The following MEMO1 variants were observed in gnomAD, a reference collection of about 807,000 sequenced individuals.
MEMO1 encodes the protein protein MEMO1.
In MEMO1, 6 loss-of-function variants were observed where a neutral mutation model predicts 45.2. That is an observed-to-expected ratio of 0.13 (90% CI 0.07 to 0.26). The LOEUF (loss-of-function observed/expected upper bound fraction) is 0.26, where lower values mean the gene tolerates loss of function less well. MEMO1 is among the 10% of genes least tolerant of loss of function. The pLI is 1.00. For synonymous variants in MEMO1, 78 were observed against 124.3 expected, an observed-to-expected ratio of 0.63 and a Z score of 2.48; for missense variants, 184 against 370.5, an observed-to-expected ratio of 0.50 and a Z score of 4.13.
At chr2:31,959,014 A>G (rs916245564) in intron 2 of MEMO1, among the ~76,000 whole-genome samples, 1 of 152,200 alleles carries the variant, frequency 6.6e-6, no homozygotes, top group Non-Finnish European at 1.5e-5. Context: ...GGGATAAGAG[A>G]AAGAATCAAT....
At chr2:31,886,850 T>TC (rs1004810719) in intron 7 of MEMO1, among the ~76,000 whole-genome samples, 32 of 152,278 alleles carry the variant, frequency 2.1e-4, no homozygotes, top group African/African-American at 7.5e-4. Context: ...CTGTTTCAAC[T>TC]CCAAGTATGA....
intron 6 of MEMO1, among the ~76,000 whole-genome samples, chr2:31,896,382 C>T (rs1483270872): frequency 6.6e-6 from 1 of 152,040 alleles, no homozygotes; most frequent in Non-Finnish European, 1.5e-5. Context: ...TTGAAAGGGG[C>T]CATTAAGTAT....
chr2:31,999,922 C>T (rs1050563431), intron 2 of MEMO1, among the ~76,000 whole-genome samples: 8 of 143,126 alleles, frequency 5.6e-5, no homozygotes, highest in Non-Finnish European at 9.0e-5. Flanking sequence ...CTCAATCTGT[C>T]GCCCAGGCTG....
chr2:31,989,685 A>G (rs1671704167), intron 2 of MEMO1, among the ~76,000 whole-genome samples: 1 of 152,248 alleles, frequency 6.6e-6, no homozygotes, highest in East Asian at 1.9e-4. Flanking sequence ...GATTGTGTTG[A>G]CTTTCATAGA....
At chr2:31,933,036 AAAAAG>A (rs895680826) in intron 3 of MEMO1, among the ~76,000 whole-genome samples, 2 of 152,112 alleles carry the variant, frequency 1.3e-5, no homozygotes, top group African/African-American at 4.8e-5. Context: ...CTTCAGCAAT[AAAAAG>A]AAGTGAACTA....
At chr2:32,001,258 C>G (rs1157048799) in intron 2 of MEMO1, among the ~76,000 whole-genome samples, 1 of 151,738 alleles carries the variant, frequency 6.6e-6, no homozygotes, top group Non-Finnish European at 1.5e-5. Flanking sequence ...CCAGGATGGT[C>G]TCGATCTCCT....
intron 6 of MEMO1, among the ~76,000 whole-genome samples, chr2:31,910,466 TA>T (rs1228460079): frequency 1.3e-5 from 2 of 152,200 alleles, no homozygotes; most frequent in Non-Finnish European, 2.9e-5. Context: ...AGCTTATGGA[TA>T]AGTGAAACAA....
At chr2:31,967,927 A>C (rs1391799943) in intron 2 of MEMO1, among the ~76,000 whole-genome samples, 1 of 152,098 alleles carries the variant, frequency 6.6e-6, no homozygotes, top group South Asian at 2.1e-4. Context: ...TATCTTGGAG[A>C]GTCATCTGAG....
At chr2:32,002,103 C>T in intron 2 of MEMO1, among the ~76,000 whole-genome samples, 1 of 141,344 alleles carries the variant, frequency 7.1e-6, no homozygotes, top group South Asian at 2.2e-4. Flanking sequence ...TGAGATCTCG[C>T]CAGTGCCCTC....
chr2:31,925,492 A>AAAAAAAAAAAAAAAAG (rs1558507956), intron 4 of MEMO1, among the ~76,000 whole-genome samples: 2 of 133,846 alleles, frequency 1.5e-5, no homozygotes, highest in African/African-American at 5.2e-5. Flanking sequence ...AAAAAAAAAA[A>AAAAAAAAAAAAAAAAG]AAAAAAATCT....
intron 6 of MEMO1, among the ~76,000 whole-genome samples, chr2:31,901,046 T>C (rs1451434772): frequency 2.6e-5 from 4 of 152,258 alleles, no homozygotes; most frequent in African/African-American, 7.2e-5. Flanking sequence ...CAAAATGTGG[T>C]ATATTCATAT....
At chr2:31,995,486 T>C (rs112965547) in intron 2 of MEMO1, among the ~76,000 whole-genome samples, 3 of 152,128 alleles carry the variant, frequency 2.0e-5, no homozygotes, top group Admixed American at 6.6e-5. Context: ...AAATGGAATA[T>C]AGAGATGAAA....
intron 6 of MEMO1, chr2:31,893,369 G>C (rs1015579563): frequency 1.2e-5 from 14 of 1,129,824 alleles, no homozygotes; most frequent in African/African-American, 3.4e-5. Context: ...AGCTGCCACA[G>C]GATCTCTTTC....
chr2:31,903,676 A>C (rs1207407442), intron 6 of MEMO1, among the ~76,000 whole-genome samples: 2 of 152,238 alleles, frequency 1.3e-5, no homozygotes, highest in African/African-American at 4.8e-5. Context: ...CAACATACAG[A>C]AAAAGAGGAA....
chr2:31,996,149 C>T (rs962796281), intron 2 of MEMO1, among the ~76,000 whole-genome samples: 3 of 150,930 alleles, frequency 2.0e-5, no homozygotes, highest in Admixed American at 6.6e-5. Flanking sequence ...AATCCTAGCA[C>T]TTTCGGAGGG....
chr2:31,938,292 C>A (rs1482805877), intron 3 of MEMO1, among the ~76,000 whole-genome samples: 1 of 151,862 alleles, frequency 6.6e-6, no homozygotes, highest in Non-Finnish European at 1.5e-5. Flanking sequence ...ACAACTATAT[C>A]CAGGTTCTGA....
intron 8 of MEMO1, among the ~76,000 whole-genome samples, chr2:31,871,600 TG>T (rs1673758260): frequency 6.6e-6 from 1 of 152,042 alleles, no homozygotes; most frequent in African/African-American, 2.4e-5. Context: ...ACTCTCAGAT[TG>T]GTCCACAATC....
rs533060192 is a variant in MEMO1, at chr2:31,965,159, G to GCCAGGATCGCA, written c.62-21787_62-21777dup. Among the ~76,000 whole-genome samples the GCCAGGATCGCA allele has an allele frequency of 2.7e-3, 403 of 151,944 alleles. 3 individuals carry two copies. Among genetic ancestry groups the GCCAGGATCGCA allele is most frequent in the African/African-American group, 9.4e-3 (389 of 41,424 alleles). ...ACCGGAGAGGCAGAGGTTATAGTGA[G>GCCAGGATCGCA]CCAGGATCGCACCATTGCACTCCAG... On this transcript the variant is annotated intron_variant, in intron 2 of 9. Transcript: ENST00000404530.
chr2:31,977,341 A>G (rs558653138), intron 2 of MEMO1, among the ~76,000 whole-genome samples: 1 of 152,280 alleles, frequency 6.6e-6, no homozygotes, highest in South Asian at 2.1e-4. Context: ...GAAAAATATT[A>G]TTTACAAGAG....
Sources: gnomAD v4.1 joint callset for allele counts (sites outside exome capture counted in the v4.1 genomes callset) on GRCh38, gnomAD v4.1.1 for gene constraint, MANE v1.5 for transcripts, NCBI Gene and HGNC (gene_info 2026-07-23, HGNC 2026-07-21) for gene names.